TPP2: variants seen among roughly 807,000 people sequenced by gnomAD.
TPP2 encodes tripeptidyl peptidase 2.
A neutral mutation model predicts 155.9 loss-of-function variants in TPP2; 34 were observed. That is an observed-to-expected ratio of 0.22 (90% CI 0.17 to 0.29). The LOEUF (loss-of-function observed/expected upper bound fraction) is 0.29. Ranked by LOEUF, TPP2 falls within the 10% of genes least tolerant of loss-of-function variation. TPP2 has a pLI of 1.00. For synonymous variants in TPP2, 510 were observed against 529.4 expected (o/e 0.96, Z 0.50); for missense variants, 1,028 against 1,522.3 (o/e 0.68, Z 5.40).
At chr13:102,636,141 G>T in intron 12 of TPP2, 83 bp from the exon 13 acceptor site, 1 of 1,375,192 alleles carries the variant, frequency 7.3e-7, no homozygotes, top group Admixed American at 2.5e-5. Context: ...TTTTACAACT[G>T]AAATCAAATT....
chr13:102,617,900 G>A (rs928032766), intron 4 of TPP2, among the ~76,000 whole-genome samples: 9 of 152,160 alleles, frequency 5.9e-5, no homozygotes, highest in South Asian at 2.1e-4. Flanking sequence ...TTTGTCACAG[G>A]CTAGATTTGG....
At chr13:102,661,219 C>A (rs1189909893) in intron 25 of TPP2, among the ~76,000 whole-genome samples, 1 of 147,484 alleles carries the variant, frequency 6.8e-6, no homozygotes, top group Non-Finnish European at 1.5e-5. Context: ...TTGTAAGGAG[C>A]TTGTATGCAA....
chr13:102,663,130 A>AT (rs112161004), intron 25 of TPP2, among the ~76,000 whole-genome samples: 2,599 of 76,502 alleles, frequency 0.034, 70 homozygotes, highest in African/African-American at 0.18. Flanking sequence ...TTATTTATTT[A>AT]TTTTTTTTAA....
chr13:102,674,155 A>C, intron 27 of TPP2, 128 bp from the exon 28 acceptor site: 4 of 943,136 alleles, frequency 4.2e-6, no homozygotes, highest in Non-Finnish European at 4.7e-6. Flanking sequence ...AATTGTACGT[A>C]CCTGGATATA....
intron 7 of TPP2, among the ~76,000 whole-genome samples, chr13:102,627,540 T>C (rs917083032): frequency 2.0e-4 from 31 of 151,992 alleles, no homozygotes; most frequent in Non-Finnish European, 4.3e-4. Flanking sequence ...TATTTAATTT[T>C]AGTGATTTTT....
chr13:102,627,705 A>G (rs1339659846), intron 7 of TPP2, 143 bp from the exon 8 acceptor site: 1 of 594,884 alleles, frequency 1.7e-6, no homozygotes, highest in East Asian at 3.1e-5. Context: ...ATGTCCAGGT[A>G]TATGGTGATA....
At chr13:102,640,512 T>C in intron 16 of TPP2, 136 bp downstream of exon 16, 3 of 649,084 alleles carry the variant, frequency 4.6e-6, no homozygotes, top group Non-Finnish European at 7.7e-6. Flanking sequence ...AGACTTTCTG[T>C]AAAGTTCAAA....
At chr13:102,650,098 A>T (rs1396727454) in intron 23 of TPP2, among the ~76,000 whole-genome samples, 1 of 152,058 alleles carries the variant, frequency 6.6e-6, no homozygotes, top group African/African-American at 2.4e-5. Flanking sequence ...TTAGACATAT[A>T]TGTTACAGTT....
Position 102,638,324 on chromosome 13 carries a change from C to T in TPP2, c.1913+9C>T. On this transcript the variant is annotated intron_variant, in intron 15 of 29. Transcript: ENST00000376052. Reference sequence around the variant, plus strand: ...GCAGTTATAGCAGCAAAGTAAGTAACAGGTTACTCACAGCTTACTGGTACA... The same window carrying T: ...GCAGTTATAGCAGCAAAGTAAGTAATAGGTTACTCACAGCTTACTGGTACA... 6.2e-7 allele frequency: 1 copy of T among 1,611,548 alleles called. No homozygotes were observed. The highest frequency in any genetic ancestry group is 8.5e-7 in the Non-Finnish European group (1 of 1,179,234).
At chr13:102,646,131 A>G (rs1883084166) in intron 19 of TPP2, among the ~76,000 whole-genome samples, 163 bp from the exon 20 acceptor site, 1 of 152,220 alleles carries the variant, frequency 6.6e-6, no homozygotes. Context: ...ATAATTATGT[A>G]AGTTAGTGAT....
chr13:102,646,072 C>A (rs989353811), intron 19 of TPP2, among the ~76,000 whole-genome samples: 1 of 152,180 alleles, frequency 6.6e-6, no homozygotes, highest in Non-Finnish European at 1.5e-5. Context: ...TTGCCTTTGT[C>A]ATATTTATTG....
intron 8 of TPP2, among the ~76,000 whole-genome samples, chr13:102,628,892 CACACTT>C (rs1042245339): frequency 9.2e-5 from 14 of 152,158 alleles, no homozygotes; most frequent in Non-Finnish European, 1.8e-4. Context: ...CTCAGATACT[CACACTT>C]ACAACTTTGA....
chr13:102,614,202 G>A lies in TPP2; in HGVS notation c.390+6G>A. 6.3e-7 allele frequency: 1 copy of A among 1,587,784 alleles called. No individual in the cohort carries two copies. Among genetic ancestry groups the A allele is most frequent in the Non-Finnish European group, 8.6e-7 (1 of 1,162,484 alleles). ...CACTCAAGGAAAGGATACAGGTAAT[G>A]TACAATCTGGTACCAATGAGTTGTA... is the stretch of plus-strand genomic sequence containing the variant. On this transcript the variant is annotated splice_donor_region_variant and intron_variant, in intron 3 of 29. Coordinates refer to ENST00000376052, the MANE Select transcript of TPP2 (RefSeq NM_001330588.2).
intron 24 of TPP2, 130 bp downstream of exon 24, chr13:102,651,527 T>C (rs182201416): frequency 1.6e-5 from 15 of 928,668 alleles, no homozygotes; most frequent in Admixed American, 1.3e-4. Flanking sequence ...TTCTAAAGTA[T>C]AGTGCTCTTA....
intron 18 of TPP2, 87 bp from the exon 19 acceptor site, chr13:102,644,822 C>T: frequency 6.7e-7 from 1 of 1,497,860 alleles, no homozygotes; most frequent in Non-Finnish European, 9.2e-7. Context: ...TACTTATAAA[C>T]TTTATATTGG....
chr13:102,634,139 A>G (rs777708378), intron 11 of TPP2, 41 bp downstream of exon 11: 6 of 1,606,854 alleles, frequency 3.7e-6, no homozygotes, highest in East Asian at 2.2e-5. Flanking sequence ...TTGCAGACCA[A>G]TATTTTTGTT....
intron 2 of TPP2, among the ~76,000 whole-genome samples, chr13:102,605,869 G>A (rs1227500399): frequency 1.3e-5 from 2 of 151,988 alleles, no homozygotes; most frequent in African/African-American, 4.8e-5. Flanking sequence ...GATTACAGGT[G>A]CCCGCCACCA....
chr13:102,626,383 A>G (rs1881625969), intron 6 of TPP2, among the ~76,000 whole-genome samples: 1 of 152,244 alleles, frequency 6.6e-6, no homozygotes. Context: ...GAATTGATGT[A>G]CATGTAACCA....
At chr13:102,667,468 C>T (rs1228590660) in intron 27 of TPP2, among the ~76,000 whole-genome samples, 1 of 151,994 alleles carries the variant, frequency 6.6e-6, no homozygotes, top group African/African-American at 2.4e-5. Context: ...GATGAAATTG[C>T]CAGATAGGAA....
Sources: gnomAD v4.1 joint callset for allele counts (sites outside exome capture counted in the v4.1 genomes callset) on GRCh38, gnomAD v4.1.1 for gene constraint, MANE v1.5 for transcripts, NCBI Gene and HGNC (gene_info 2026-07-23, HGNC 2026-07-21) for gene names.